RPH3A: variants seen among roughly 807,000 people sequenced by gnomAD.
RPH3A encodes the protein rabphilin 3A.
RPH3A carries 48 observed loss-of-function variants against 102.2 expected under a neutral mutation model. The observed-to-expected ratio is 0.47, with a 90% CI of 0.37 to 0.60. RPH3A has a LOEUF of 0.60. RPH3A is among the 20% of genes least tolerant of loss of function. The pLI, the probability that RPH3A is intolerant of heterozygous loss-of-function variation, is 0.00. For missense variants in RPH3A, 781 were observed against 910.1 expected, an observed-to-expected ratio of 0.86 and a Z score of 1.83; for synonymous variants, 310 against 324.3, an observed-to-expected ratio of 0.96 and a Z score of 0.47.
chr12:112,827,347 G>A (rs2136150968), intron 2 of RPH3A, among the ~76,000 whole-genome samples: 1 of 152,262 alleles, frequency 6.6e-6, no homozygotes, highest in East Asian at 1.9e-4. Context: ...TTAGCATCAT[G>A]TTTTCGAGGT....
At chr12:112,615,910 G>A (rs986849830) in intron 1 of RPH3A, among the ~76,000 whole-genome samples, 6 of 152,116 alleles carry the variant, frequency 3.9e-5, no homozygotes, top group Non-Finnish European at 7.4e-5. Flanking sequence ...GCTAGTAAGT[G>A]CTCAATAAGG....
At chr12:112,828,566 A>G (rs1388325503) in intron 3 of RPH3A, among the ~76,000 whole-genome samples, 177 bp downstream of exon 3, 2 of 152,202 alleles carry the variant, frequency 1.3e-5, no homozygotes, top group African/African-American at 4.8e-5. Context: ...AGGTTGGAGG[A>G]ACAAGATTAA....
intron 1 of RPH3A, among the ~76,000 whole-genome samples, chr12:112,712,047 G>A (rs1045469787): frequency 6.6e-6 from 1 of 152,042 alleles, no homozygotes; most frequent in African/African-American, 2.4e-5. Context: ...GGTCAGGTTG[G>A]TCTCAAACTC....
chr12:112,672,291 G>C (rs1207810452), intron 1 of RPH3A, among the ~76,000 whole-genome samples: 1 of 152,174 alleles, frequency 6.6e-6, no homozygotes, highest in Non-Finnish European at 1.5e-5. Flanking sequence ...CAGCTGATTA[G>C]ATGGGGCTCA....
upstream of RPH3A, among the ~76,000 whole-genome samples, chr12:112,788,187 A>T (rs565546118): frequency 6.6e-6 from 1 of 152,364 alleles, no homozygotes; most frequent in African/African-American, 2.4e-5. Context: ...CCCTGACAAG[A>T]CAAGGCTAGT....
intron 1 of RPH3A, among the ~76,000 whole-genome samples, chr12:112,780,402 A>AT (rs1279166107): frequency 8.3e-6 from 1 of 120,332 alleles, no homozygotes; most frequent in Non-Finnish European, 1.6e-5. Context: ...TGGAGGCCTC[A>AT]TTTTTGTGAA....
At chr12:112,675,427 G>C (rs532416222) in intron 1 of RPH3A, among the ~76,000 whole-genome samples, 1 of 152,248 alleles carries the variant, frequency 6.6e-6, no homozygotes, top group Admixed American at 6.5e-5. Context: ...TACCAGCAAC[G>C]GTGCTCTATT....
chr12:112,644,650 T>A (rs909679814), intron 1 of RPH3A, among the ~76,000 whole-genome samples: 3 of 152,228 alleles, frequency 2.0e-5, no homozygotes, highest in African/African-American at 7.2e-5. Context: ...TACTTTCATA[T>A]GTTAGCTCAT....
At chr12:112,678,265 GAA>G (rs2040196761) in intron 1 of RPH3A, among the ~76,000 whole-genome samples, 1 of 67,316 alleles carries the variant, frequency 1.5e-5, no homozygotes, top group African/African-American at 8.5e-5. Context: ...AAGAAAGAAA[GAA>G]AGAAAGAAAG....
intron 5 of RPH3A, among the ~76,000 whole-genome samples, chr12:112,858,187 A>C (rs1396463139): frequency 7.3e-6 from 1 of 136,410 alleles, no homozygotes; most frequent in Non-Finnish European, 1.5e-5. Flanking sequence ...AGTTTGCTTG[A>C]GCCCAGGAGT....
At chr12:112,857,036 C>T (rs1256112471) in intron 5 of RPH3A, among the ~76,000 whole-genome samples, 1 of 151,852 alleles carries the variant, frequency 6.6e-6, no homozygotes, top group African/African-American at 2.4e-5. Flanking sequence ...AAAGTGAGCA[C>T]ATCTGCAGGG....
At chr12:112,582,773 T>C (rs2039409632) in intron 1 of RPH3A, among the ~76,000 whole-genome samples, 1 of 152,204 alleles carries the variant, frequency 6.6e-6, no homozygotes, top group South Asian at 2.1e-4. Context: ...ATTTTTAATG[T>C]GTATGTCATA....
At chr12:112,653,368 TAAA>T (rs754219546) in intron 1 of RPH3A, among the ~76,000 whole-genome samples, 13 of 109,244 alleles carry the variant, frequency 1.2e-4, no homozygotes, top group South Asian at 3.0e-4. Flanking sequence ...AGACTCCATC[TAAA>T]AAAAAAAAAA....
chr12:112,745,681 T>C (rs10850076), intron 1 of RPH3A, among the ~76,000 whole-genome samples: 118,647 of 152,144 alleles, frequency 0.78, 47,286 homozygotes, highest in African/African-American at 0.94. Flanking sequence ...CTTCAACTGC[T>C]TGGAAATCTT....
At chr12:112,650,209 T>G (rs1425598296) in intron 1 of RPH3A, among the ~76,000 whole-genome samples, 2 of 152,232 alleles carry the variant, frequency 1.3e-5, no homozygotes, top group Non-Finnish European at 2.9e-5. Flanking sequence ...CATTCTACAT[T>G]ACCTCATCTC....
At chr12:112,589,563 C>A (rs918182369) in intron 1 of RPH3A, among the ~76,000 whole-genome samples, 3 of 152,168 alleles carry the variant, frequency 2.0e-5, no homozygotes, top group Non-Finnish European at 4.4e-5. Context: ...ACATACATGA[C>A]CCCTCCCCTG....
intron 1 of RPH3A, among the ~76,000 whole-genome samples, chr12:112,677,415 CTCCTTCCTTCCTTCCTTCCTTCCTTCCT>C (rs879603208): frequency 1.5e-4 from 5 of 33,274 alleles, no homozygotes; most frequent in Non-Finnish European, 2.2e-4. Flanking sequence ...CCCTCCTTCC[CTCCTTCCTTCCTTCCTTCCTTCCTTCCT>C]TCCTTCCTTC....
At chr12:112,860,672 G>A (rs2042494776) in intron 5 of RPH3A, among the ~76,000 whole-genome samples, 1 of 152,240 alleles carries the variant, frequency 6.6e-6, no homozygotes, top group African/African-American at 2.4e-5. Context: ...GCAGGAGGCT[G>A]TGGGGATTCG....
intron 2 of RPH3A, among the ~76,000 whole-genome samples, chr12:112,813,705 T>C (rs1459604824): frequency 6.6e-6 from 1 of 151,854 alleles, no homozygotes; most frequent in Non-Finnish European, 1.5e-5. Flanking sequence ...TCTGTGTTAC[T>C]TTTTGCTGCA....
Sources: gnomAD v4.1 joint callset for allele counts (sites outside exome capture counted in the v4.1 genomes callset) on GRCh38, gnomAD v4.1.1 for gene constraint, MANE v1.5 for transcripts, NCBI Gene and HGNC (gene_info 2026-07-23, HGNC 2026-07-21) for gene names.